ALYREF: variants seen among roughly 807,000 people sequenced by gnomAD.
ALYREF encodes the protein Aly/REF export factor, also known as THO complex subunit 4.
Under a neutral mutation model 25.2 loss-of-function variants are expected in ALYREF, and 1 was observed. The ratio of observed to expected loss-of-function variants is 0.04; its 90% CI spans 0.01 to 0.19. The LOEUF (loss-of-function observed/expected upper bound fraction) is 0.19, where lower values mean the gene tolerates loss of function less well. Among genes scored for constraint, ALYREF ranks in the 10% least tolerant of loss-of-function variants. ALYREF has a pLI of 1.00. For missense variants in ALYREF, 328 were observed against 375.6 expected (o/e 0.87, Z 1.05); for synonymous variants, 193 against 153.5 (o/e 1.26, Z -1.90).
At position 81,887,989 on chromosome 17, in the gene ALYREF, T is replaced by C. The variant is rs1598289902; in HGVS notation, c.*142A>G. 4 of 910,874 alleles carry C rather than the reference T, an allele frequency of 4.4e-6. No homozygotes were observed. The South Asian group carries it at 9.6e-5, about 22-fold the overall frequency. 56.4% of individuals were successfully genotyped at this position (910,874 alleles called of 1,614,324 possible). A position where few individuals can be genotyped will look rare whatever the true frequency, so the allele number is the denominator to read the frequency against. On this transcript the variant is annotated 3_prime_UTR_variant, in exon 6 of 6. Coordinates refer to ENST00000505490, the MANE Select transcript of ALYREF (RefSeq NM_005782.4). ...AAAAAAAAAAGAAAAAAAAAAAACC[T>C]TTACATGAGTTTTTAAATCCTATTT...
chr17:81,888,079 G>T lies in ALYREF; in HGVS notation c.*52C>A. 1.9e-6 allele frequency: 3 copies of T among 1,612,600 alleles called. No homozygotes were observed. The highest frequency in any genetic ancestry group is 2.5e-6 in the Non-Finnish European group (3 of 1,179,546). On this transcript the variant is annotated 3_prime_UTR_variant, in exon 6 of 6. Coordinates refer to ENST00000505490, the MANE Select transcript of ALYREF (RefSeq NM_005782.4). The surrounding 1 kb of genome is among the most constrained non-coding windows in gnomAD (Gnocchi z 5.8). Reference sequence around the variant, plus strand: ...CCCCAGCCACCGCCCCCCAACCAGGGAGCAAGAGGAGACGCCTGGGTCCTG... The same window carrying T: ...CCCCAGCCACCGCCCCCCAACCAGGTAGCAAGAGGAGACGCCTGGGTCCTG...
In ALYREF at chr17:81,887,963, AAAAAAAAAAAG is replaced by A; in HGVS notation, c.*157_*167del. 1.3e-4 allele frequency: 108 copies of A among 807,212 alleles called. No homozygotes were observed. The highest frequency in any genetic ancestry group is 4.4e-4 in the South Asian group (17 of 38,268). The allele number at this position is 807,212 out of a possible 1,614,324, so 50.0% of individuals were successfully genotyped here. ...AAACAGGTCTGTTTCAGAATTAAAA[AAAAAAAAAAAG>A]AAAAAAAAAAAACCTTTACATGAGT... On this transcript the variant is annotated 3_prime_UTR_variant, in exon 6 of 6. Transcript: ENST00000505490.
chr17:81,887,958 TAAAAAAA>T lies in ALYREF; in HGVS notation c.*166_*172del, dbSNP rs545535430. The T allele has an allele frequency of 3.2e-5, 15 of 471,588 alleles. No individual in the cohort carries two copies. The highest frequency in any genetic ancestry group is 4.8e-5 in the Non-Finnish European group (15 of 315,172). 29.2% of individuals were successfully genotyped at this position (471,588 alleles called of 1,614,324 possible). Reference sequence around the variant, plus strand: ...GTACAAAACAGGTCTGTTTCAGAATTAAAAAAAAAAAAAAAGAAAAAAAAAAAACCTT... The same window carrying T: ...GTACAAAACAGGTCTGTTTCAGAATTAAAAAAAAGAAAAAAAAAAAACCTT... On this transcript the variant is annotated 3_prime_UTR_variant, in exon 6 of 6. Transcript: ENST00000505490.
Position 81,891,569 on chromosome 17 carries a change from G to C in ALYREF, c.12C>G (p.Ser4=), listed in dbSNP as rs1352818568. 7.7e-6 allele frequency: 11 copies of C among 1,436,952 alleles called. No homozygotes were observed. Among genetic ancestry groups the C allele is most frequent in the Non-Finnish European group, 9.1e-6 (10 of 1,093,896 alleles). 89.0% of individuals were successfully genotyped at this position (1,436,952 alleles called of 1,614,324 possible). The part of the protein sequence containing the change: MPD[S]APAMADKMDM... ...CCATTTTGTCGGCCATGGCGGGCGC[G>C]GAATCGGGCATCGGCTCGAGCCCGC... is the stretch of plus-strand genomic sequence containing the variant. The change falls in exon 1 of 6, where the codon TCC becomes TCG. Residue 4 remains serine, a synonymous_variant. Coordinates refer to ENST00000505490, the MANE Select transcript of ALYREF (RefSeq NM_005782.4).
Position 81,888,977 on chromosome 17 carries a change from G to A in ALYREF, c.538+205C>T. ...TTCCGGAAGGAGCTGAAGGAGGGGA[G>A]GGATGTAGCTTGCTGGATGGGGGTT... is the stretch of plus-strand genomic sequence containing the variant. On this transcript the variant is annotated intron_variant, in intron 3 of 5. Transcript: ENST00000505490. This position sits in a 1 kb window ranked among gnomAD's most constrained non-coding sequence, Gnocchi z 5.8. The A allele has an allele frequency of 7.0e-7, 1 of 1,424,056 alleles. No individual in the cohort carries two copies. The highest frequency in any genetic ancestry group is 9.2e-7 in the Non-Finnish European group (1 of 1,091,252). The allele number at this position is 1,424,056 out of a possible 1,614,324, so 88.2% of individuals were successfully genotyped here.
In ALYREF at chr17:81,888,592, A is replaced by G; in HGVS notation, c.539-9T>C. The G allele has an allele frequency of 6.3e-7, 1 of 1,586,240 alleles. No individual in the cohort carries two copies. On this transcript the variant is annotated splice_polypyrimidine_tract_variant and intron_variant, in intron 3 of 5. Transcript: ENST00000505490. The surrounding 1 kb of genome is among the most constrained non-coding windows in gnomAD (Gnocchi z 5.8). ...AATGTTCATGGGGCGGCCTGCGGCA[A>G]AGAATACGAGAAGGCACGTTCTATT...
At chr17:81,889,619 T>C (rs1396989436) in intron 2 of ALYREF, among the ~76,000 whole-genome samples, 1 of 152,204 alleles carries the variant, frequency 6.6e-6, no homozygotes, top group Admixed American at 6.5e-5. Context: ...CACTATCCTC[T>C]TCAACAAAGG....
rs751141229 is a variant in ALYREF, at chr17:81,889,344, G to A, written c.391-15C>T. ...GCAAAGAGTTCCTGGGAGTTGCAGA[G>A]AGCAGTTGTCAGAAAAGCAACAAAA... On this transcript the variant is annotated splice_polypyrimidine_tract_variant and intron_variant, in intron 2 of 5. Transcript: ENST00000505490. 9.9e-6 allele frequency: 16 copies of A among 1,610,558 alleles called. No individual in the cohort carries two copies. Among genetic ancestry groups the A allele is most frequent in the East Asian group, 4.5e-5 (2 of 44,742 alleles).
chr17:81,888,673 T>C lies in ALYREF; in HGVS notation c.539-90A>G. 1.3e-6 allele frequency: 2 copies of C among 1,534,078 alleles called. No homozygotes were observed. Among genetic ancestry groups the C allele is most frequent in the Non-Finnish European group, 1.8e-6 (2 of 1,134,294 alleles). On this transcript the variant is annotated intron_variant, in intron 3 of 5. Coordinates refer to ENST00000505490, the MANE Select transcript of ALYREF (RefSeq NM_005782.4). This position sits in a 1 kb window ranked among gnomAD's most constrained non-coding sequence, Gnocchi z 5.8. ...CACACCCTGGTCTCCATGCAAACACTGGAAAGGGCCTCTGTGCGTCTCAAA... is the reference window on the plus strand; with the variant it reads ...CACACCCTGGTCTCCATGCAAACACCGGAAAGGGCCTCTGTGCGTCTCAAA...
chr17:81,890,629 CA>C, intron 2 of ALYREF, 59 bp downstream of exon 2: 3 of 1,589,728 alleles, frequency 1.9e-6, no homozygotes, highest in Admixed American at 1.8e-5. Context: ...GCCACATCCC[CA>C]AAATCACGAT....
chr17:81,888,512 G>C lies in ALYREF; in HGVS notation c.602+8C>G. ...CCAATCCCCTTCCCCAGAGGCCCCG[G>C]AAGTCACCTCTGTGCAGGCCTCCGC... On this transcript the variant is annotated splice_region_variant and intron_variant, in intron 4 of 5. Coordinates refer to ENST00000505490, the MANE Select transcript of ALYREF (RefSeq NM_005782.4). The surrounding 1 kb of genome is among the most constrained non-coding windows in gnomAD (Gnocchi z 5.8). 6.3e-7 allele frequency: 1 copy of C among 1,599,860 alleles called. No homozygotes were observed. The highest frequency in any genetic ancestry group is 8.5e-7 in the Non-Finnish European group (1 of 1,172,430).
At chr17:81,891,165 A>T (rs898726143) in intron 1 of ALYREF, among the ~76,000 whole-genome samples, 158 bp downstream of exon 1, 1 of 41,858 alleles carries the variant, frequency 2.4e-5, no homozygotes, top group African/African-American at 9.1e-5. Flanking sequence ...GCTCCCGCCC[A>T]CCACCCCCTC....
intron 1 of ALYREF, 130 bp from the exon 2 acceptor site, chr17:81,890,950 T>TCCCTCCGGCGCTGCAGCTGCCCCAG (rs1490349518): frequency 2.9e-6 from 4 of 1,387,282 alleles, no homozygotes; most frequent in Non-Finnish European, 2.9e-6. Context: ...CCGCCAGCGC[T>TCCCTCCGGCGCTGCAGCTGCCCCAG]CCCTCCGGCG....
chr17:81,889,982 G>C (rs966200919), intron 2 of ALYREF: 1 of 153,238 alleles, frequency 6.5e-6, no homozygotes, highest in African/African-American at 2.4e-5. Flanking sequence ...TAAAAAAAGT[G>C]TTGAGACACT....
chr17:81,890,654 G>C, intron 2 of ALYREF, 35 bp downstream of exon 2: 1 of 1,609,662 alleles, frequency 6.2e-7, no homozygotes, highest in African/African-American at 1.3e-5. Context: ...TCCTGTGCAG[G>C]GCGAACGGCT....
rs2039466937 is a variant in ALYREF, at chr17:81,888,940, C to T, written c.538+242G>A. 1 of 1,413,966 alleles carries T rather than the reference C, an allele frequency of 7.1e-7. No individual in the cohort carries two copies. The highest frequency in any genetic ancestry group is 9.2e-7 in the Non-Finnish European group (1 of 1,086,282). 87.6% of individuals were successfully genotyped at this position (1,413,966 alleles called of 1,614,324 possible). On this transcript the variant is annotated intron_variant, in intron 3 of 5. Transcript: ENST00000505490. This position sits in a 1 kb window ranked among gnomAD's most constrained non-coding sequence, Gnocchi z 5.8. Reference sequence around the variant, plus strand: ...CTATGGCGGTTCTGAGAAGGCTTCACAGAAGTGAATCTTCCGGAAGGAGCT... The same window carrying T: ...CTATGGCGGTTCTGAGAAGGCTTCATAGAAGTGAATCTTCCGGAAGGAGCT...
At position 81,891,557 on chromosome 17, in the gene ALYREF, C is replaced by T; in HGVS notation, c.24G>A (p.Met8Ile). The T allele has an allele frequency of 7.0e-7, 1 of 1,438,286 alleles. No individual in the cohort carries two copies. Among genetic ancestry groups the T allele is most frequent in the Non-Finnish European group, 9.1e-7 (1 of 1,094,944 alleles). The allele number at this position is 1,438,286 out of a possible 1,614,324, so 89.1% of individuals were successfully genotyped here. The stretch of plus-strand genomic sequence containing the variant: ...CCAGAGACATGTCCATTTTGTCGGC[C>T]ATGGCGGGCGCGGAATCGGGCATCG... The part of the protein sequence containing the change: MPDSAPA[M>I]ADKMDMSLDD... Residue 8 changes from methionine (M) to isoleucine (I), a missense_variant, in exon 1 of 6, where the codon ATG becomes ATA. Coordinates refer to ENST00000505490, the MANE Select transcript of ALYREF (RefSeq NM_005782.4).
chr17:81,888,366 C>A lies in ALYREF; in HGVS notation c.655G>T (p.Gly219Cys), dbSNP rs769045326. 3.1e-6 allele frequency: 5 copies of A among 1,603,340 alleles called. No homozygotes were observed. The highest frequency in any genetic ancestry group is 4.2e-6 in the Non-Finnish European group (5 of 1,177,778). ...RNRGAGGFGGGGGTRRGTRGG... is the reference protein window; with the variant it reads ...RNRGAGGFGGCGGTRRGTRGG... Reference sequence around the variant, plus strand: ...CGGGTGCCTCTCCGGGTGCCTCCACCACCACCAAAACCTCCAGCGCCACGG... The same window carrying A: ...CGGGTGCCTCTCCGGGTGCCTCCACAACCACCAAAACCTCCAGCGCCACGG... Residue 219 changes from glycine (G) to cysteine (C), a missense_variant, in exon 5 of 6, where the codon GGT (glycine) becomes TGT (cysteine). By Grantham distance (159) the Gly-to-Cys change is radical (BLOSUM62 -3). This residue lies in a region of ALYREF where 108 missense variants were observed against 110.5 expected (regional missense o/e 0.98). Transcript: ENST00000505490. The surrounding 1 kb of genome is among the most constrained non-coding windows in gnomAD (Gnocchi z 5.8).
At chr17:81,890,296 G>A (rs1451505149) in intron 2 of ALYREF, among the ~76,000 whole-genome samples, 1 of 152,126 alleles carries the variant, frequency 6.6e-6, no homozygotes, top group East Asian at 1.9e-4. Context: ...GACTCCCTGT[G>A]CTTCACAAGA....
Sources: allele counts gnomAD v4.1 joint callset (sites outside exome capture counted in the v4.1 genomes callset), GRCh38; gene constraint gnomAD v4.1.1; regional missense constraint gnomAD v4.1.1; non-coding constraint Gnocchi (gnomAD v3.1); transcripts MANE v1.5; gene names NCBI Gene and HGNC (gene_info 2026-07-23, HGNC 2026-07-21).